Variants in DGKH observed in about 807,000 individuals in gnomAD.
The protein encoded by DGKH is diacylglycerol kinase eta.
A neutral mutation model predicts 159.3 loss-of-function variants in DGKH; 90 were observed. That is an observed-to-expected ratio of 0.57 (90% CI 0.48 to 0.67). The LOEUF is 0.67. Ranked by LOEUF, DGKH falls within the 30% of genes least tolerant of loss-of-function variation. DGKH has a pLI of 0.00. For synonymous variants in DGKH, 536 were observed against 553.8 expected (o/e 0.97, Z 0.45); for missense variants, 1,181 against 1,506.1 (o/e 0.78, Z 3.57).
chr13:42,182,514 C>G (rs1171341054), intron 13 of DGKH, among the ~76,000 whole-genome samples: 1 of 152,120 alleles, frequency 6.6e-6, no homozygotes, highest in Non-Finnish European at 1.5e-5. Context: ...CTACACACAT[C>G]CTTCCACATA....
At chr13:42,245,487 T>C (rs900375826), downstream of DGKH, among the ~76,000 whole-genome samples, 1 of 152,202 alleles carries the variant, frequency 6.6e-6, no homozygotes, top group African/African-American at 2.4e-5. Flanking sequence ...AGGCAAAATA[T>C]GCAGAGTCCT....
Position 42,219,620 on chromosome 13 carries a change from T to C in DGKH, c.3334-66T>C. On this transcript the variant is annotated intron_variant, in intron 27 of 29. Coordinates refer to ENST00000337343, the MANE Select transcript of DGKH (RefSeq NM_178009.5). ...ATAACTTATTCCTGTGTTATCCCTA[T>C]TATCAGAGTAGGTTTTTCTCCTTTT... is the stretch of plus-strand genomic sequence containing the variant. 2.2e-6 allele frequency: 3 copies of C among 1,370,768 alleles called. No individual in the cohort carries two copies. The East Asian group carries it at 7.9e-5, about 36-fold the overall frequency. 84.9% of individuals were successfully genotyped at this position (1,370,768 alleles called of 1,614,324 possible). A position where few individuals can be genotyped will look rare whatever the true frequency, so the allele number is the denominator to read the frequency against.
At chr13:42,167,264 G>A (rs1956336966) in intron 9 of DGKH, among the ~76,000 whole-genome samples, 2 of 152,180 alleles carry the variant, frequency 1.3e-5, no homozygotes, top group African/African-American at 4.8e-5. Context: ...GTATGCATAT[G>A]ATTTTTCTTA....
intron 1 of DGKH, among the ~76,000 whole-genome samples, chr13:42,089,900 T>A (rs897209677): frequency 1.4e-5 from 2 of 147,348 alleles, no homozygotes; most frequent in Non-Finnish European, 3.0e-5. Flanking sequence ...TGAAATCATG[T>A]CAAATATATT....
chr13:42,194,246 C>T (rs185534860), intron 16 of DGKH, among the ~76,000 whole-genome samples: 28 of 152,236 alleles, frequency 1.8e-4, no homozygotes, highest in African/African-American at 6.3e-4. Flanking sequence ...CTCACGTGAT[C>T]CTCCAGCCTC....
intron 1 of DGKH, among the ~76,000 whole-genome samples, chr13:42,059,353 G>C (rs1881980738): frequency 6.6e-6 from 1 of 151,848 alleles, no homozygotes; most frequent in African/African-American, 2.4e-5. Flanking sequence ...GGGTTTAAGC[G>C]ATTCTCCTGC....
chr13:42,090,260 T>C (rs1954391170), intron 1 of DGKH, among the ~76,000 whole-genome samples: 1 of 152,200 alleles, frequency 6.6e-6, no homozygotes, highest in Admixed American at 6.5e-5. Flanking sequence ...TTATAAAACA[T>C]GCATAAAATA....
At chr13:42,075,770 C>T (rs1458056635) in intron 1 of DGKH, among the ~76,000 whole-genome samples, 1 of 152,174 alleles carries the variant, frequency 6.6e-6, no homozygotes, top group Non-Finnish European at 1.5e-5. Flanking sequence ...CAGCAGCTTC[C>T]TCCTACTCTT....
At chr13:42,044,854 G>C (rs1880715537), upstream of DGKH, among the ~76,000 whole-genome samples, 1 of 152,168 alleles carries the variant, frequency 6.6e-6, no homozygotes, top group Non-Finnish European at 1.5e-5. Context: ...AAATACTTTA[G>C]TGGTGGGCAT....
In DGKH at chr13:42,095,593, C is replaced by T. The variant is rs548680918; in HGVS notation, c.193-31870C>T. The stretch of plus-strand genomic sequence containing the variant: ...ATGATTAGTAATTTTTTGTTCCTCC[C>T]AATTTTCTTCTATATTCCCTCTCCT... On this transcript the variant is annotated intron_variant, in intron 1 of 29. Coordinates refer to ENST00000337343, the MANE Select transcript of DGKH (RefSeq NM_178009.5). Among the ~76,000 whole-genome samples the T allele has an allele frequency of 2.1e-4, 32 of 152,174 alleles. 1 individual carries two copies. The highest frequency in any genetic ancestry group is 7.2e-4 in the African/African-American group (30 of 41,528).
chr13:42,075,790 C>T (rs1954083802), intron 1 of DGKH, among the ~76,000 whole-genome samples: 1 of 152,202 alleles, frequency 6.6e-6, no homozygotes, highest in South Asian at 2.1e-4. Context: ...TTCCTATTTT[C>T]AGACTGCTAT....
intron 12 of DGKH, among the ~76,000 whole-genome samples, chr13:42,176,933 A>G (rs1323633914): frequency 6.6e-6 from 1 of 152,230 alleles, no homozygotes; most frequent in African/African-American, 2.4e-5. Context: ...ACGGGATGTT[A>G]AAGTTTGAGT....
At chr13:42,087,880 T>C (rs1363595866) in intron 1 of DGKH, among the ~76,000 whole-genome samples, 2 of 151,874 alleles carry the variant, frequency 1.3e-5, no homozygotes, top group African/African-American at 4.8e-5. Flanking sequence ...TTTCCCTAAA[T>C]TTGATGAAAA....
intron 1 of DGKH, among the ~76,000 whole-genome samples, chr13:42,059,370 C>T (rs1050648507): frequency 1.3e-5 from 2 of 152,020 alleles, no homozygotes; most frequent in African/African-American, 4.8e-5. Flanking sequence ...CTGCCTCAGC[C>T]TCCCAAGTAG....
chr13:42,159,877 G>A, intron 6 of DGKH, 134 bp from the exon 7 acceptor site: 1 of 1,257,658 alleles, frequency 8.0e-7, no homozygotes, highest in Non-Finnish European at 1.1e-6. Context: ...CAATAAACGT[G>A]GGGTAAATGA....
intron 1 of DGKH, among the ~76,000 whole-genome samples, chr13:42,065,807 A>T (rs1882523458): frequency 6.6e-6 from 1 of 152,080 alleles, no homozygotes; most frequent in Non-Finnish European, 1.5e-5. Context: ...TTGTAACCCC[A>T]TGTTTGTCTG....
intron 26 of DGKH, among the ~76,000 whole-genome samples, 177 bp downstream of exon 26, chr13:42,215,844 G>A (rs1183824140): frequency 6.6e-6 from 1 of 152,234 alleles, no homozygotes; most frequent in African/African-American, 2.4e-5. Flanking sequence ...CTGAAGTTGG[G>A]AGTCATGATT....
At chr13:42,133,951 A>G (rs1293285314) in intron 3 of DGKH, among the ~76,000 whole-genome samples, 1 of 152,174 alleles carries the variant, frequency 6.6e-6, no homozygotes, top group Non-Finnish European at 1.5e-5. Context: ...GGTTTGTGTC[A>G]GAGGCTAATG....
intron 29 of DGKH, among the ~76,000 whole-genome samples, chr13:42,226,990 C>T (rs1958149907): frequency 6.6e-6 from 1 of 152,066 alleles, no homozygotes. Context: ...AGTCATTGTC[C>T]TCAGTAAACT....
Sources: allele counts gnomAD v4.1 joint callset (sites outside exome capture counted in the v4.1 genomes callset), GRCh38; gene constraint gnomAD v4.1.1; transcripts MANE v1.5; gene names NCBI Gene and HGNC (gene_info 2026-07-23, HGNC 2026-07-21).